TRIM34: variants seen among roughly 807,000 people sequenced by gnomAD.
TRIM34 encodes the protein tripartite motif containing 34, also known as E3 ubiquitin-protein ligase TRIM34.
TRIM34 carries 41 observed loss-of-function variants against 38.1 expected under a neutral mutation model. That is an observed-to-expected ratio of 1.08 (90% confidence interval 0.84 to 1.40). The LOEUF is 1.40. Ranked by LOEUF, TRIM34 falls within the 40% of genes most tolerant of loss-of-function variation. The probability of loss-of-function intolerance (pLI) is 0.00; values close to 1 mark genes in which losing one functional copy is unlikely to be tolerated. For synonymous variants in TRIM34, 200 were observed against 202.5 expected (o/e 0.99, Z 0.10); for missense variants, 556 against 571.4 (o/e 0.97, Z 0.27).
chr11:5,637,467 A>G (rs1306546363), intron 4 of TRIM34, among the ~76,000 whole-genome samples: 1 of 152,174 alleles, frequency 6.6e-6, no homozygotes, highest in African/African-American at 2.4e-5. Context: ...AGATACTTTG[A>G]TTTTTAATGC....
upstream of TRIM34, among the ~76,000 whole-genome samples, chr11:5,623,953 G>C (rs1365893085): frequency 6.6e-6 from 1 of 152,162 alleles, no homozygotes; most frequent in Admixed American, 6.5e-5. Context: ...GGTAGACTAG[G>C]ATTGTTTTGA....
rs1481084392 is a variant in TRIM34, at chr11:5,633,845, G to C, written c.465G>C (p.Glu155Asp). 1 of 1,614,100 alleles carries C rather than the reference G, an allele frequency of 6.2e-7. No homozygotes were observed. The highest frequency in any genetic ancestry group is 1.3e-5 in the African/African-American group (1 of 75,072). ...TCCTCAAGAGGCTGAAGAAGGAAGA[G>C]GAGGAAGCTGAGAAGCTGGAAGCTG... ...QAVLKRLKKEEEEAEKLEADI... is the reference protein window; with the variant it reads ...QAVLKRLKKEDEEAEKLEADI... The change falls in exon 3 of 8, where the codon GAG (glutamate) becomes GAC (aspartate). Residue 155 changes from glutamate (E) to aspartate (D), a missense_variant. By Grantham distance (45) the Glu-to-Asp change is conservative. Transcript: ENST00000429814.
intron 4 of TRIM34, among the ~76,000 whole-genome samples, chr11:5,639,168 A>G (rs989704709): frequency 2.0e-5 from 3 of 152,136 alleles, no homozygotes; most frequent in Admixed American, 6.5e-5. Flanking sequence ...TTGTTTTCAC[A>G]TTTCAGCCCT....
chr11:5,620,178 T>TC (rs1360296720), upstream of TRIM34, among the ~76,000 whole-genome samples: 4 of 125,026 alleles, frequency 3.2e-5, no homozygotes, highest in East Asian at 9.5e-4. Context: ...TTTTTTTTTT[T>TC]TTTTTTTTTT....
At position 5,643,866 on chromosome 11, in the gene TRIM34, G is replaced by T; in HGVS notation, c.*157G>T. Reference sequence around the variant, plus strand: ...GGTGTATTTGGCTTGAGTTATGAGAGATGCTTATTTATTCATTTACTCTTT... The same window carrying T: ...GGTGTATTTGGCTTGAGTTATGAGATATGCTTATTTATTCATTTACTCTTT... On this transcript the variant is annotated 3_prime_UTR_variant, in exon 8 of 8. Transcript: ENST00000429814. 1 of 951,568 alleles carries T rather than the reference G, an allele frequency of 1.1e-6. No individual in the cohort carries two copies. Among genetic ancestry groups the T allele is most frequent in the Non-Finnish European group, 1.5e-6 (1 of 658,244 alleles). The allele number at this position is 951,568 out of a possible 1,614,324, so 58.9% of individuals were successfully genotyped here.
Position 5,643,127 on chromosome 11 carries a change from T to TA in TRIM34, c.902-17_902-16insA, listed in dbSNP as rs777273270. On this transcript the variant is annotated splice_polypyrimidine_tract_variant and intron_variant, in intron 7 of 7. Coordinates refer to ENST00000429814, the MANE Select transcript of TRIM34 (RefSeq NM_021616.6). ...TATATTCATATACATATATATATAT[T>TA]TTTTTTTTTCTTGCAGTGGATGTCA... The TA allele has an allele frequency of 5.6e-5, 29 of 521,662 alleles. No homozygotes were observed. Among genetic ancestry groups the TA allele is most frequent in the Middle Eastern group, 4.9e-4 (1 of 2,022 alleles). The allele number at this position is 521,662 out of a possible 1,614,324, so 32.3% of individuals were successfully genotyped here. A position where few individuals can be genotyped will look rare whatever the true frequency, so the allele number is the denominator to read the frequency against.
At chr11:5,642,091 T>C (rs1202643218) in intron 5 of TRIM34, among the ~76,000 whole-genome samples, 1 of 152,164 alleles carries the variant, frequency 6.6e-6, no homozygotes, top group Non-Finnish European at 1.5e-5. Flanking sequence ...AGCAAAGTCT[T>C]TTCCTATCGT....
intron 4 of TRIM34, among the ~76,000 whole-genome samples, chr11:5,637,012 A>G (rs1361974240): frequency 6.6e-6 from 1 of 152,132 alleles, no homozygotes; most frequent in Non-Finnish European, 1.5e-5. Context: ...CGGGCATTTT[A>G]TAATATACAA....
chr11:5,627,400 T>A (rs1384219981), intron 1 of TRIM34, among the ~76,000 whole-genome samples: 2 of 151,792 alleles, frequency 1.3e-5, no homozygotes, highest in African/African-American at 4.8e-5. Flanking sequence ...GGAAGGGCAA[T>A]GATAGTATCA....
Position 5,632,263 on chromosome 11 carries a change from G to T in TRIM34, c.-69G>T, listed in dbSNP as rs138175465. ...CCTTTCAATCTTCTCAGCCATCCAG[G>T]GGTCTTTAACCAGAAGAGAGAGGAG... On this transcript the variant is annotated 5_prime_UTR_variant, in exon 2 of 8. Coordinates refer to ENST00000429814, the MANE Select transcript of TRIM34 (RefSeq NM_021616.6). The T allele has an allele frequency of 6.2e-7, 1 of 1,605,022 alleles. No individual in the cohort carries two copies. Among genetic ancestry groups the T allele is most frequent in the Non-Finnish European group, 8.5e-7 (1 of 1,176,540 alleles).
intron 4 of TRIM34, among the ~76,000 whole-genome samples, chr11:5,636,289 A>T (rs1033543072): frequency 6.6e-6 from 1 of 152,208 alleles, no homozygotes; most frequent in African/African-American, 2.4e-5. Context: ...TTTTTGTATG[A>T]TTCCATTTAT....
upstream of TRIM34, among the ~76,000 whole-genome samples, chr11:5,620,792 G>C (rs1590141977): frequency 6.6e-6 from 1 of 152,120 alleles, no homozygotes; most frequent in African/African-American, 2.4e-5. Flanking sequence ...AGAGGCTCTG[G>C]TAGACCTCAG....
chr11:5,621,009 C>T (rs1011966374), upstream of TRIM34, among the ~76,000 whole-genome samples: 7 of 152,132 alleles, frequency 4.6e-5, no homozygotes, highest in Admixed American at 4.6e-4. Flanking sequence ...ATCTTGGTGA[C>T]CTTTGGTGGG....
chr11:5,630,898 A>C (rs1481003947), intron 1 of TRIM34, among the ~76,000 whole-genome samples: 1 of 152,226 alleles, frequency 6.6e-6, no homozygotes. Flanking sequence ...AATTTTAATC[A>C]CGGAAGATAA....
At chr11:5,632,150 T>C (rs1042712465) in intron 1 of TRIM34, 105 bp from the exon 2 acceptor site, 4 of 1,471,586 alleles carry the variant, frequency 2.7e-6, no homozygotes, top group Non-Finnish European at 3.6e-6. Context: ...TTCCTCATCT[T>C]CTTTGTTCTT....
At chr11:5,639,720 T>TTGCCTATAGG (rs1248997814) in intron 4 of TRIM34, among the ~76,000 whole-genome samples, 4 of 142,372 alleles carry the variant, frequency 2.8e-5, no homozygotes, top group African/African-American at 7.7e-5. Context: ...TTGGAAGAGG[T>TTGCCTATAGG]TGCCTATAGG....
chr11:5,621,148 G>C (rs957660482), upstream of TRIM34, among the ~76,000 whole-genome samples: 1 of 152,166 alleles, frequency 6.6e-6, no homozygotes, highest in Admixed American at 6.5e-5. Flanking sequence ...CTGCATCCCA[G>C]TCACCCCTTT....
chr11:5,630,563 T>C (rs1849444032), intron 1 of TRIM34, among the ~76,000 whole-genome samples: 1 of 152,242 alleles, frequency 6.6e-6, no homozygotes, highest in African/African-American at 2.4e-5. Flanking sequence ...TGATGCTATG[T>C]CCTCCATGAA....
In TRIM34 at chr11:5,625,060, G is replaced by A. The variant is rs185683951; in HGVS notation, c.-78G>A. On this transcript the variant is annotated splice_region_variant and 5_prime_UTR_variant, in exon 1 of 8. Coordinates refer to ENST00000429814, the MANE Select transcript of TRIM34 (RefSeq NM_021616.6). Reference sequence around the variant, plus strand: ...GAGCCGAGATTTCTGTTGCTCTGAAGGTGTGTGGGGAGGTTTGTGGGGGGT... The same window carrying A: ...GAGCCGAGATTTCTGTTGCTCTGAAAGTGTGTGGGGAGGTTTGTGGGGGGT... The A allele has an allele frequency of 3.3e-5, 5 of 152,436 alleles. No individual in the cohort carries two copies. The highest frequency in any genetic ancestry group is 2.0e-4 in the Admixed American group (3 of 15,306). 9.4% of individuals were successfully genotyped at this position (152,436 alleles called of 1,614,324 possible).
Sources: gnomAD v4.1 joint callset for allele counts (sites outside exome capture counted in the v4.1 genomes callset) on GRCh38, gnomAD v4.1.1 for gene constraint, MANE v1.5 for transcripts, NCBI Gene and HGNC (gene_info 2026-07-23, HGNC 2026-07-21) for gene names.